NFASC: variants seen among roughly 807,000 people sequenced by gnomAD.
NFASC encodes neurofascin.
A neutral mutation model predicts 147.5 loss-of-function variants in NFASC; 43 were observed. The ratio of observed to expected loss-of-function variants is 0.29; its 90% CI spans 0.23 to 0.38. The LOEUF (loss-of-function observed/expected upper bound fraction) is 0.38. Among genes scored for constraint, NFASC ranks in the 10% least tolerant of loss-of-function variants. The probability of loss-of-function intolerance (pLI) is 1.00; values close to 1 mark genes in which losing one functional copy is unlikely to be tolerated. For synonymous variants in NFASC, 622 were observed against 665.5 expected (o/e 0.93, Z 1.01); for missense variants, 1,320 against 1,689.0 (o/e 0.78, Z 3.83).
At chr1:204,915,701 A>C (rs1407294301) in intron 1 of NFASC, among the ~76,000 whole-genome samples, 1 of 152,148 alleles carries the variant, frequency 6.6e-6, no homozygotes, top group East Asian at 1.9e-4. Context: ...TTTTGCCCTG[A>C]GCACAGTCTA....
At chr1:204,877,668 A>G (rs557898560) in intron 1 of NFASC, among the ~76,000 whole-genome samples, 11 of 152,156 alleles carry the variant, frequency 7.2e-5, no homozygotes, top group Admixed American at 6.5e-4. Flanking sequence ...TTCTGTTTTT[A>G]TTTATCAATA....
chr1:204,992,366 G>A (rs779489040), intron 24 of NFASC, among the ~76,000 whole-genome samples: 3 of 152,112 alleles, frequency 2.0e-5, no homozygotes, highest in Admixed American at 6.6e-5. Flanking sequence ...TTTCCTCCTC[G>A]CCTTTGCTTA....
chr1:204,892,659 C>T (rs555717654), intron 1 of NFASC, among the ~76,000 whole-genome samples: 4 of 152,290 alleles, frequency 2.6e-5, no homozygotes, highest in African/African-American at 9.6e-5. Context: ...TAAACTATCT[C>T]GTTAATAGTT....
At chr1:204,863,536 A>G (rs1210541663) in intron 1 of NFASC, among the ~76,000 whole-genome samples, 3 of 152,148 alleles carry the variant, frequency 2.0e-5, no homozygotes, top group Non-Finnish European at 4.4e-5. Flanking sequence ...TGTTTCCAGA[A>G]CGTTTTCACC....
chr1:204,910,639 G>A (rs531427173), intron 1 of NFASC, among the ~76,000 whole-genome samples: 2 of 151,828 alleles, frequency 1.3e-5, no homozygotes, highest in South Asian at 2.1e-4. Flanking sequence ...GTGCTGAGTT[G>A]CACCTGCAGT....
rs2095663464 is a variant in NFASC at position 204,988,748 on chromosome 1, G to A, written c.2709G>A (p.Arg903=). The change falls in exon 23 of 30, where the codon AGG becomes AGA. Residue 903 remains arginine, a synonymous_variant. Coordinates refer to ENST00000339876, the MANE Select transcript of NFASC (RefSeq NM_001005388.3). The stretch of plus-strand genomic sequence containing the variant: ...GCTACCGCTTTACCCTCAGCGCCAG[G>A]ACGCAGGTGGGCTCTGGGGAAGCCG... ...VSRYRFTLSA[R]TQVGSGEAVT... The A allele has an allele frequency of 2.5e-6, 4 of 1,614,236 alleles. No homozygotes were observed. Among genetic ancestry groups the A allele is most frequent in the Non-Finnish European group, 3.4e-6 (4 of 1,180,050 alleles).
At chr1:204,906,738 A>G (rs1209960609) in intron 1 of NFASC, among the ~76,000 whole-genome samples, 1 of 149,988 alleles carries the variant, frequency 6.7e-6, no homozygotes, top group Non-Finnish European at 1.5e-5. Flanking sequence ...GCTGGAGTGC[A>G]GTGGCGCGAT....
intron 1 of NFASC, among the ~76,000 whole-genome samples, chr1:204,907,653 G>A (rs1001771054): frequency 4.6e-5 from 7 of 152,218 alleles, no homozygotes; most frequent in Non-Finnish European, 1.0e-4. Flanking sequence ...GAACTTTCCA[G>A]AGAGAATGGC....
At chr1:204,953,418 C>T (rs1408968478) in intron 5 of NFASC, among the ~76,000 whole-genome samples, 1 of 152,226 alleles carries the variant, frequency 6.6e-6, no homozygotes, top group Non-Finnish European at 1.5e-5. Flanking sequence ...TGCCTCAGCC[C>T]TCCCAAGTAG....
chr1:204,864,077 C>T (rs11240297), intron 1 of NFASC, among the ~76,000 whole-genome samples: 29,063 of 152,080 alleles, frequency 0.19, 3,989 homozygotes, highest in East Asian at 0.46. Context: ...TCTGTCTCTA[C>T]GAATTTGTCC....
intron 1 of NFASC, among the ~76,000 whole-genome samples, chr1:204,867,062 A>T (rs940775899): frequency 6.6e-6 from 1 of 151,830 alleles, no homozygotes; most frequent in African/African-American, 2.4e-5. Flanking sequence ...AGATGTTACT[A>T]TCCTGGACAT....
chr1:204,875,764 A>G (rs1490491579), intron 1 of NFASC, among the ~76,000 whole-genome samples: 1 of 152,182 alleles, frequency 6.6e-6, no homozygotes, highest in Non-Finnish European at 1.5e-5. Flanking sequence ...CCAGAAGCCA[A>G]CGGTAGATAC....
intron 2 of NFASC, among the ~76,000 whole-genome samples, chr1:204,943,820 G>A (rs2093532129): frequency 6.6e-6 from 1 of 152,204 alleles, no homozygotes; most frequent in African/African-American, 2.4e-5. Context: ...TGGTTGCTGG[G>A]CCTGCAGGCC....
intron 27 of NFASC, among the ~76,000 whole-genome samples, chr1:205,004,970 G>A (rs2096073480): frequency 6.6e-6 from 1 of 152,236 alleles, no homozygotes; most frequent in African/African-American, 2.4e-5. Flanking sequence ...AGGCCCATCA[G>A]CCCTTCTGTG....
chr1:205,016,593 G>A lies in NFASC; in HGVS notation c.*54G>A. 1 of 1,363,264 alleles carries A rather than the reference G, an allele frequency of 7.3e-7. No homozygotes were observed. The highest frequency in any genetic ancestry group is 1.0e-6 in the Non-Finnish European group (1 of 954,708). The allele number at this position is 1,363,264 out of a possible 1,614,324, so 84.4% of individuals were successfully genotyped here. A position where few individuals can be genotyped will look rare whatever the true frequency, so the allele number is the denominator to read the frequency against. ...TTGCAAGTGGGAGGAGGGGAGAAGG[G>A]GAGACAAAACCACTGCAGACCTACC... is the stretch of plus-strand genomic sequence containing the variant. On this transcript the variant is annotated 3_prime_UTR_variant, in exon 30 of 30. Coordinates refer to ENST00000339876, the MANE Select transcript of NFASC (RefSeq NM_001005388.3). The surrounding 1 kb of genome is among the most constrained non-coding windows in gnomAD (Gnocchi z 5.1).
chr1:204,908,389 G>C (rs970784884), intron 1 of NFASC, among the ~76,000 whole-genome samples: 1 of 151,664 alleles, frequency 6.6e-6, no homozygotes, highest in Non-Finnish European at 1.5e-5. Context: ...AATTGGTTCT[G>C]CCAAGAGAAA....
chr1:204,950,424 T>G, intron 3 of NFASC, 133 bp from the exon 4 acceptor site: 1 of 803,246 alleles, frequency 1.2e-6, no homozygotes, highest in Admixed American at 2.0e-5. Context: ...GAGAGAGCCC[T>G]GTGCTCAGCG....
At position 204,877,212 on chromosome 1, in the gene NFASC, G is replaced by A. The variant is rs538568270; in HGVS notation, c.-199-43420G>A. 3.3e-5 allele frequency among the ~76,000 whole-genome samples: 5 copies of A among 150,676 alleles called. No individual in the cohort carries two copies. In the South Asian group the frequency reaches 1.0e-3, roughly 31 times the overall value. On this transcript the variant is annotated intron_variant, in intron 1 of 29. Coordinates refer to ENST00000339876, the MANE Select transcript of NFASC (RefSeq NM_001005388.3). ...AAAGCAGGGGATGCACACATGCACA[G>A]TAAGCAAACATGCATGTTACATACA...
chr1:204,961,156 A>G (rs1217867620), intron 8 of NFASC, among the ~76,000 whole-genome samples: 1 of 152,158 alleles, frequency 6.6e-6, no homozygotes, highest in Non-Finnish European at 1.5e-5. Flanking sequence ...GAGAGGGAAA[A>G]GCTCCTTCAG....
Sources: allele counts gnomAD v4.1 joint callset (sites outside exome capture counted in the v4.1 genomes callset), GRCh38; gene constraint gnomAD v4.1.1; non-coding constraint Gnocchi (gnomAD v3.1); transcripts MANE v1.5; gene names NCBI Gene and HGNC (gene_info 2026-07-23, HGNC 2026-07-21).